Variants in CLOCK observed in about 807,000 individuals in gnomAD.
CLOCK encodes circadian locomoter output cycles protein kaput.
CLOCK carries 43 observed loss-of-function variants against 118.4 expected under a neutral mutation model. The observed-to-expected ratio is 0.36, with a 90% CI of 0.28 to 0.47. The LOEUF is 0.47. Among genes scored for constraint, CLOCK ranks in the 20% least tolerant of loss-of-function variants. The pLI, the probability that CLOCK is intolerant of heterozygous loss-of-function variation, is 1.00. For synonymous variants in CLOCK, 326 were observed against 339.2 expected, an observed-to-expected ratio of 0.96 and a Z score of 0.43; for missense variants, 846 against 999.9, an observed-to-expected ratio of 0.85 and a Z score of 2.08.
chr4:55,534,391 T>A (rs1439431129), intron 1 of CLOCK, among the ~76,000 whole-genome samples: 3 of 152,116 alleles, frequency 2.0e-5, no homozygotes, highest in Non-Finnish European at 4.4e-5. Context: ...ATACTGATTT[T>A]TTTACCCTTA....
chr4:55,487,913 T>C (rs1033675464), intron 3 of CLOCK, among the ~76,000 whole-genome samples: 6 of 152,216 alleles, frequency 3.9e-5, no homozygotes, highest in African/African-American at 1.4e-4. Flanking sequence ...TGTCCTGTTA[T>C]GTCTTTCGTA....
chr4:55,491,346 G>T (rs962205188), intron 2 of CLOCK, among the ~76,000 whole-genome samples: 8 of 136,336 alleles, frequency 5.9e-5, no homozygotes, highest in African/African-American at 2.2e-4. Flanking sequence ...AAGGAAATAT[G>T]ATTAGAGTAG....
At chr4:55,525,951 G>A (rs1424542129) in intron 1 of CLOCK, among the ~76,000 whole-genome samples, 5 of 151,622 alleles carry the variant, frequency 3.3e-5, no homozygotes, top group African/African-American at 4.8e-5. Flanking sequence ...TATAGGTTGA[G>A]TATCCCTAAT....
intron 1 of CLOCK, among the ~76,000 whole-genome samples, chr4:55,529,415 C>T (rs1730399662): frequency 5.3e-5 from 8 of 152,082 alleles, no homozygotes; most frequent in Admixed American, 5.2e-4. Context: ...CCACCTTAGC[C>T]TCCCAAAGTA....
At chr4:55,456,124 C>T in intron 12 of CLOCK, 94 bp downstream of exon 12, 1 of 1,314,606 alleles carries the variant, frequency 7.6e-7, no homozygotes, top group Non-Finnish European at 1.1e-6. Context: ...GTTTCAAAGT[C>T]CTAATTTAAA....
At chr4:55,457,016 T>A (rs1287992981) in intron 11 of CLOCK, among the ~76,000 whole-genome samples, 2 of 152,168 alleles carry the variant, frequency 1.3e-5, no homozygotes, top group Non-Finnish European at 2.9e-5. Flanking sequence ...TTTCCAGTAC[T>A]AAAGAATGTG....
intron 2 of CLOCK, among the ~76,000 whole-genome samples, chr4:55,497,985 T>A (rs138226566): frequency 4.9e-5 from 7 of 141,472 alleles, no homozygotes; most frequent in Admixed American, 3.5e-4. Flanking sequence ...GATACAGAAT[T>A]TTAGCAACCT....
intron 4 of CLOCK, among the ~76,000 whole-genome samples, chr4:55,480,545 T>C (rs1180459063): frequency 6.6e-6 from 1 of 152,146 alleles, no homozygotes; most frequent in Non-Finnish European, 1.5e-5. Context: ...GGATTACAGG[T>C]GTGAGCTGCC....
Position 55,433,035 on chromosome 4 carries a change from C to G in CLOCK, c.*2380G>C, listed in dbSNP as rs900683833. On this transcript the variant is annotated 3_prime_UTR_variant, in exon 23 of 23. Coordinates refer to ENST00000513440, the MANE Select transcript of CLOCK (RefSeq NM_004898.4). ...GCCTCAATATAATAGTTCTTCATAT[C>G]TTTTGTTAGCTAAATCCGTATCACT... The G allele has an allele frequency of 9.8e-5, 15 of 152,488 alleles. No homozygotes were observed. The highest frequency in any genetic ancestry group is 1.8e-4 in the Non-Finnish European group (12 of 68,026). 9.4% of individuals were successfully genotyped at this position (152,488 alleles called of 1,614,324 possible). A position where few individuals can be genotyped will look rare whatever the true frequency, so the allele number is the denominator to read the frequency against.
intron 8 of CLOCK, among the ~76,000 whole-genome samples, chr4:55,468,312 G>A (rs1011060794): frequency 1.3e-5 from 2 of 151,912 alleles, no homozygotes; most frequent in East Asian, 1.9e-4. Context: ...TATACCATGA[G>A]CTCCATCTTC....
chr4:55,482,120 CA>C (rs1726975690), intron 4 of CLOCK, among the ~76,000 whole-genome samples: 1 of 152,064 alleles, frequency 6.6e-6, no homozygotes, highest in Admixed American at 6.6e-5. Flanking sequence ...ACTTTAGGTT[CA>C]GGGGTACCTG....
chr4:55,465,571 G>A (rs1725678121), intron 8 of CLOCK, among the ~76,000 whole-genome samples: 1 of 152,104 alleles, frequency 6.6e-6, no homozygotes, highest in Non-Finnish European at 1.5e-5. Context: ...ATGGCTTAAG[G>A]GATAACCACA....
chr4:55,537,817 T>C (rs1430626494), intron 1 of CLOCK, among the ~76,000 whole-genome samples: 1 of 151,542 alleles, frequency 6.6e-6, no homozygotes, highest in Non-Finnish European at 1.5e-5. Context: ...TTATAAACAA[T>C]TAAAGGGAAG....
At position 55,513,246 on chromosome 4, in the gene CLOCK, T is replaced by C. The variant is rs200296671; in HGVS notation, c.-289-3181A>G. On this transcript the variant is annotated intron_variant, in intron 1 of 22. Transcript: ENST00000513440. Reference sequence around the variant, plus strand: ...TCAGATACACAAACTCTTACTGTTATATTAAAATTACCTATAGTATTCACT... The same window carrying C: ...TCAGATACACAAACTCTTACTGTTACATTAAAATTACCTATAGTATTCACT... Among the ~76,000 whole-genome samples the C allele has an allele frequency of 8.5e-5, 13 of 152,290 alleles. No homozygotes were observed. The East Asian group carries it at 2.5e-3, about 29-fold the overall frequency.
intron 10 of CLOCK, 52 bp downstream of exon 10, chr4:55,459,096 C>A: frequency 6.8e-7 from 1 of 1,471,358 alleles, no homozygotes; most frequent in Non-Finnish European, 9.5e-7. Context: ...TCTTTAAGAG[C>A]ACAGAAAAAT....
intron 8 of CLOCK, 114 bp downstream of exon 8, chr4:55,470,603 T>A (rs1386897452): frequency 5.6e-6 from 4 of 717,256 alleles, no homozygotes; most frequent in Non-Finnish European, 9.9e-6. Context: ...GAGCTCTGAT[T>A]CCTACCCCTT....
intron 18 of CLOCK, among the ~76,000 whole-genome samples, chr4:55,446,729 A>AT (rs1286403255): frequency 6.6e-6 from 1 of 152,196 alleles, no homozygotes; most frequent in Admixed American, 6.5e-5. Flanking sequence ...TCTTAAGTCT[A>AT]TACAGGCTCT....
intron 1 of CLOCK, among the ~76,000 whole-genome samples, chr4:55,529,927 T>A (rs146239862): frequency 6.6e-6 from 1 of 152,042 alleles, no homozygotes; most frequent in Non-Finnish European, 1.5e-5. Flanking sequence ...AAACATACAA[T>A]TGAAAACATC....
At chr4:55,497,664 T>A (rs1050100349) in intron 2 of CLOCK, among the ~76,000 whole-genome samples, 1 of 152,216 alleles carries the variant, frequency 6.6e-6, no homozygotes. Flanking sequence ...TGGAAAATAA[T>A]GTGTATGACA....
Sources: allele counts gnomAD v4.1 joint callset (sites outside exome capture counted in the v4.1 genomes callset), GRCh38; gene constraint gnomAD v4.1.1; transcripts MANE v1.5; gene names NCBI Gene and HGNC (gene_info 2026-07-23, HGNC 2026-07-21).